The following ANO4 variants were observed in gnomAD, a reference collection of about 807,000 sequenced individuals.
ANO4 encodes anoctamin-4.
Under a neutral mutation model 141.9 loss-of-function variants are expected in ANO4, and 69 were observed. The ratio of observed to expected loss-of-function variants is 0.49; its 90% confidence interval spans 0.40 to 0.59. ANO4 has a LOEUF of 0.59. ANO4 is among the 20% of genes least tolerant of loss of function. The pLI, the probability that ANO4 is intolerant of heterozygous loss-of-function variation, is 0.00. For synonymous variants in ANO4, 350 were observed against 394.3 expected, an observed-to-expected ratio of 0.89 and a Z score of 1.33; for missense variants, 894 against 1,162.2, an observed-to-expected ratio of 0.77 and a Z score of 3.36.
intron 3 of ANO4, among the ~76,000 whole-genome samples, chr12:100,786,425 C>T (rs1053647183): frequency 2.6e-5 from 4 of 152,158 alleles, no homozygotes; most frequent in Admixed American, 6.5e-5. Context: ...CCTACTTCTT[C>T]AAGCCACACC....
chr12:101,080,971 G>GTA (rs1268094706), intron 15 of ANO4, among the ~76,000 whole-genome samples: 1 of 143,390 alleles, frequency 7.0e-6, no homozygotes, highest in African/African-American at 2.6e-5. Context: ...ATATATATGT[G>GTA]TATATATATC....
At chr12:100,842,988 A>C (rs1254619823) in intron 1 of ANO4, among the ~76,000 whole-genome samples, 1 of 152,086 alleles carries the variant, frequency 6.6e-6, no homozygotes, top group Non-Finnish European at 1.5e-5. Flanking sequence ...AGGATGACAT[A>C]ATTTATTTCC....
intron 25 of ANO4, 123 bp downstream of exon 25, chr12:101,116,921 C>A: frequency 7.8e-7 from 1 of 1,275,204 alleles, no homozygotes; most frequent in Non-Finnish European, 1.1e-6. Flanking sequence ...CTCAACAGTG[C>A]ATTAAAAGCA....
chr12:100,770,975 C>A (rs6538971), intron 3 of ANO4, among the ~76,000 whole-genome samples: 2 of 151,676 alleles, frequency 1.3e-5, no homozygotes, highest in Non-Finnish European at 2.9e-5. Context: ...CATTGAGAAT[C>A]CGAATTTAAC....
intron 1 of ANO4, among the ~76,000 whole-genome samples, chr12:100,733,117 C>T (rs1161619030): frequency 6.6e-6 from 1 of 152,196 alleles, no homozygotes; most frequent in Non-Finnish European, 1.5e-5. Flanking sequence ...ATCCTGGAAA[C>T]TGCCACAAAG....
intron 5 of ANO4, among the ~76,000 whole-genome samples, chr12:100,942,747 A>T (rs1424257542): frequency 1.3e-5 from 2 of 152,232 alleles, no homozygotes; most frequent in African/African-American, 4.8e-5. Flanking sequence ...TTCCATGAAA[A>T]TCAAAATATT....
intron 14 of ANO4, among the ~76,000 whole-genome samples, chr12:101,072,756 C>A (rs2048866843): frequency 1.3e-5 from 2 of 151,294 alleles, no homozygotes; most frequent in African/African-American, 4.9e-5. Context: ...GAAAAAAAAA[C>A]ATCAAAAAGT....
In ANO4 at chr12:100,939,409, T is replaced by A; in HGVS notation, c.255T>A (p.Thr85=). Residue 85 remains threonine, a synonymous_variant, in exon 4 of 28, where the codon ACT becomes ACA. Transcript: ENST00000392977. The part of the protein sequence containing the change: ...DDSLLHPGNL[T]STSDDASRLE... ...CTCTTCTTCACCCTGGAAACCTGAC[T>A]AGTACTTCAGATGATGCCAGCAGAT... The A allele has an allele frequency of 6.2e-7, 1 of 1,613,752 alleles. No homozygotes were observed.
intron 3 of ANO4, among the ~76,000 whole-genome samples, chr12:100,763,908 C>A (rs1442546323): frequency 2.0e-5 from 3 of 147,768 alleles, no homozygotes; most frequent in Admixed American, 6.8e-5. Context: ...CTAGGAACCA[C>A]TTTTTTTTTT....
rs1490485704 is a variant in ANO4, at chr12:101,094,237, C to A, written c.1702-19C>A. On this transcript the variant is annotated intron_variant, in intron 17 of 27. Transcript: ENST00000392977. ...ATACGTGCAGTTCATTTATTAAATG[C>A]ATGAAATTTATTTTACAGCTCTATG... 1.2e-6 allele frequency: 2 copies of A among 1,600,262 alleles called. No individual in the cohort carries two copies. The highest frequency in any genetic ancestry group is 1.1e-5 in the South Asian group (1 of 90,430).
At chr12:100,934,278 G>A (rs1326418875) in intron 3 of ANO4, among the ~76,000 whole-genome samples, 1 of 152,098 alleles carries the variant, frequency 6.6e-6, no homozygotes, top group Admixed American at 6.5e-5. Context: ...TTTTGTATAA[G>A]GTGTAAGGAA....
intron 18 of ANO4, among the ~76,000 whole-genome samples, chr12:101,095,249 G>A (rs1264948651): frequency 1.3e-5 from 2 of 151,936 alleles, no homozygotes; most frequent in Non-Finnish European, 2.9e-5. Flanking sequence ...CTCTTTTAAT[G>A]TCATTGAAAT....
chr12:100,963,195 G>C (rs1371563788), intron 5 of ANO4, among the ~76,000 whole-genome samples: 1 of 152,142 alleles, frequency 6.6e-6, no homozygotes, highest in African/African-American at 2.4e-5. Context: ...GCTCAGAAGA[G>C]AGGTGTGGGC....
At chr12:100,780,327 A>G (rs1167197218) in intron 3 of ANO4, among the ~76,000 whole-genome samples, 2 of 152,230 alleles carry the variant, frequency 1.3e-5, no homozygotes, top group Non-Finnish European at 2.9e-5. Context: ...TATTAGAGCA[A>G]CGGGGTGCAG....
chr12:101,016,337 GGTGGGGCAGGGGGAA>G (rs937850922), intron 8 of ANO4, among the ~76,000 whole-genome samples: 1 of 152,042 alleles, frequency 6.6e-6, no homozygotes, highest in African/African-American at 2.4e-5. Flanking sequence ...GCAAGGGCAA[GGTGGGGCAGGGGGAA>G]GTGGGGAGCC....
At chr12:100,719,473 T>C (rs1374893092) in intron 1 of ANO4, among the ~76,000 whole-genome samples, 1 of 152,230 alleles carries the variant, frequency 6.6e-6, no homozygotes, top group South Asian at 2.1e-4. Flanking sequence ...AAATCTTCTC[T>C]TTGACAATTG....
intron 19 of ANO4, 114 bp downstream of exon 19, chr12:101,096,761 A>G: frequency 1.3e-6 from 1 of 764,880 alleles, no homozygotes; most frequent in South Asian, 1.7e-5. Flanking sequence ...AAGTGTAAAA[A>G]GGGAAGAGCA....
chr12:100,821,531 A>G (rs1375070874), intron 1 of ANO4, among the ~76,000 whole-genome samples: 1 of 113,870 alleles, frequency 8.8e-6, no homozygotes, highest in African/African-American at 3.1e-5. Flanking sequence ...TCATAGAGTC[A>G]GAGAAAGAAT....
intron 2 of ANO4, among the ~76,000 whole-genome samples, chr12:100,738,762 C>A (rs749710331): frequency 2.6e-5 from 4 of 151,796 alleles, no homozygotes; most frequent in African/African-American, 4.8e-5. Context: ...AGTCAAGCAA[C>A]TTGACATGAC....
Sources: gnomAD v4.1 joint callset for allele counts (sites outside exome capture counted in the v4.1 genomes callset) on GRCh38, gnomAD v4.1.1 for gene constraint, MANE v1.5 for transcripts, NCBI Gene and HGNC (gene_info 2026-07-23, HGNC 2026-07-21) for gene names.